The following PACRG variants were observed in gnomAD, a reference collection of about 807,000 sequenced individuals.
The protein encoded by PACRG is parkin coregulated gene protein.
PACRG carries 29 observed loss-of-function variants against 29.7 expected under a neutral mutation model. That is an observed-to-expected ratio of 0.98 (90% CI 0.73 to 1.33). The LOEUF is 1.33. Ranked by LOEUF, PACRG falls within the 40% of genes most tolerant of loss-of-function variation. The pLI, the probability that PACRG is intolerant of heterozygous loss-of-function variation, is 0.00. For synonymous variants in PACRG, 116 were observed against 118.7 expected (o/e 0.98, Z 0.15); for missense variants, 279 against 316.2 (o/e 0.88, Z 0.89).
intron 2 of PACRG, among the ~76,000 whole-genome samples, chr6:162,967,429 A>G (rs906537420): frequency 7.9e-5 from 12 of 152,156 alleles, no homozygotes; most frequent in African/African-American, 2.9e-4. Flanking sequence ...TCTATGTCAC[A>G]TCTACTGTGT....
At chr6:162,954,025 CAT>C (rs1799844702) in intron 2 of PACRG, among the ~76,000 whole-genome samples, 1 of 152,104 alleles carries the variant, frequency 6.6e-6, no homozygotes, top group Admixed American at 6.5e-5. Flanking sequence ...ATATTTTCCA[CAT>C]AGTTTTTATT....
At chr6:162,910,161 C>G (rs895585698) in intron 2 of PACRG, among the ~76,000 whole-genome samples, 1 of 152,102 alleles carries the variant, frequency 6.6e-6, no homozygotes, top group African/African-American at 2.4e-5. Context: ...TAATCTTCAC[C>G]AACTCTGTCA....
intron 1 of PACRG, among the ~76,000 whole-genome samples, chr6:162,798,156 T>G (rs1410070756): frequency 1.3e-5 from 2 of 152,204 alleles, no homozygotes; most frequent in Non-Finnish European, 2.9e-5. Flanking sequence ...AGTGGGCTTC[T>G]GGGTCTAGGC....
At chr6:162,898,449 T>C (rs1795323493) in intron 2 of PACRG, among the ~76,000 whole-genome samples, 1 of 152,188 alleles carries the variant, frequency 6.6e-6, no homozygotes, top group Non-Finnish European at 1.5e-5. Context: ...TGGTAAAATA[T>C]TTTAGTAAAG....
chr6:162,835,686 G>A (rs774333406), intron 2 of PACRG, among the ~76,000 whole-genome samples: 1 of 151,906 alleles, frequency 6.6e-6, no homozygotes, highest in Non-Finnish European at 1.5e-5. Flanking sequence ...TTTGTTGTGT[G>A]GTGTTATATA....
chr6:162,727,712 G>T (rs770057490), upstream of PACRG: 17 of 1,551,116 alleles, frequency 1.1e-5, no homozygotes, highest in Non-Finnish European at 1.1e-5. Context: ...ACAGGCCCAT[G>T]CGCGCAGCGG....
At chr6:162,903,505 TGGC>T (rs1280502247) in intron 2 of PACRG, among the ~76,000 whole-genome samples, 2 of 152,196 alleles carry the variant, frequency 1.3e-5, no homozygotes, top group Admixed American at 6.5e-5. Flanking sequence ...ACATCTTACA[TGGC>T]GGCAGGCAAG....
intron 1 of PACRG, among the ~76,000 whole-genome samples, chr6:162,785,750 G>A (rs1784418255): frequency 6.6e-6 from 1 of 152,216 alleles, no homozygotes; most frequent in Non-Finnish European, 1.5e-5. Context: ...CTAACAGGAG[G>A]CGGAGCTCAG....
intron 2 of PACRG, among the ~76,000 whole-genome samples, chr6:162,824,128 C>T (rs1788077667): frequency 1.3e-5 from 2 of 152,132 alleles, no homozygotes; most frequent in Admixed American, 6.5e-5. Context: ...CAATGTGGTA[C>T]CAGAAATCTC....
At chr6:162,915,416 A>G (rs2128085502) in intron 2 of PACRG, among the ~76,000 whole-genome samples, 1 of 152,132 alleles carries the variant, frequency 6.6e-6, no homozygotes, top group East Asian at 1.9e-4. Context: ...AGAAATACAA[A>G]ATTATTCCTA....
At position 163,078,390 on chromosome 6, in the gene PACRG, C is replaced by T. The variant is rs181415701; in HGVS notation, c.464-10869C>T. Reference sequence around the variant, plus strand: ...TGGTGGCGGGTGCCTGTAATCCCAGCTACTTGGGAGGCTGAGGCAGGAGAA... The same window carrying T: ...TGGTGGCGGGTGCCTGTAATCCCAGTTACTTGGGAGGCTGAGGCAGGAGAA... On this transcript the variant is annotated intron_variant, in intron 3 of 4. Coordinates refer to ENST00000366888, the MANE Select transcript of PACRG (RefSeq NM_001080379.2). 1.3e-5 allele frequency among the ~76,000 whole-genome samples: 2 copies of T among 151,818 alleles called. 1 individual carries two copies. Among genetic ancestry groups the T allele is most frequent in the East Asian group, 3.9e-4 (2 of 5,108 alleles).
At chr6:163,161,316 A>T (rs1778547443) in intron 4 of PACRG, among the ~76,000 whole-genome samples, 1 of 151,510 alleles carries the variant, frequency 6.6e-6, no homozygotes, top group African/African-American at 2.4e-5. Context: ...ATTCTTGATA[A>T]AAACCTTATT....
In PACRG at chr6:162,948,522, C is replaced by A. The variant is rs559270346; in HGVS notation, c.292-113628C>A. Among the ~76,000 whole-genome samples, 19 of 152,024 alleles carry A rather than the reference C, an allele frequency of 1.2e-4. No individual in the cohort carries two copies. In the East Asian group the frequency reaches 1.9e-3, roughly 15 times the overall value. On this transcript the variant is annotated intron_variant, in intron 2 of 4. Coordinates refer to ENST00000366888, the MANE Select transcript of PACRG (RefSeq NM_001080379.2). ...AGACCTTAAAACCATAGGCAAAAAACCAAAAATAGACAAATTGGACTATAT... is the reference window on the plus strand; with the variant it reads ...AGACCTTAAAACCATAGGCAAAAAAACAAAAATAGACAAATTGGACTATAT...
At chr6:163,102,170 C>G (rs774096412) in intron 4 of PACRG, among the ~76,000 whole-genome samples, 2 of 152,132 alleles carry the variant, frequency 1.3e-5, no homozygotes, top group Non-Finnish European at 2.9e-5. Context: ...GGGAACCTTG[C>G]CACACATGGA....
intron 4 of PACRG, among the ~76,000 whole-genome samples, chr6:163,284,789 C>G (rs1197033158): frequency 6.6e-6 from 1 of 152,168 alleles, no homozygotes; most frequent in East Asian, 1.9e-4. Context: ...CTCCTCAAGC[C>G]TTTGTCCTCC....
intron 4 of PACRG, among the ~76,000 whole-genome samples, chr6:163,283,668 G>GC (rs1310192614): frequency 6.6e-6 from 1 of 151,750 alleles, no homozygotes; most frequent in Non-Finnish European, 1.5e-5. Flanking sequence ...GGGCGCGGTG[G>GC]CGGGCGCCTG....
intron 4 of PACRG, among the ~76,000 whole-genome samples, chr6:163,297,820 G>A (rs1202938892): frequency 6.6e-6 from 1 of 152,116 alleles, no homozygotes; most frequent in Non-Finnish European, 1.5e-5. Flanking sequence ...CCTGATGGGT[G>A]GGTGGGTGTG....
At chr6:162,765,565 T>C (rs1782719192) in intron 1 of PACRG, among the ~76,000 whole-genome samples, 1 of 152,190 alleles carries the variant, frequency 6.6e-6, no homozygotes, top group Non-Finnish European at 1.5e-5. Context: ...TTTTAGCCTC[T>C]TGTTTGTACC....
intron 4 of PACRG, among the ~76,000 whole-genome samples, chr6:163,108,392 C>CTTTTTT (rs528887997): frequency 1.3e-4 from 12 of 90,512 alleles, no homozygotes; most frequent in African/African-American, 2.2e-4. Context: ...TTCTCTTTCC[C>CTTTTTT]TTTTTTTTTT....
Sources: gnomAD v4.1 joint callset for allele counts (sites outside exome capture counted in the v4.1 genomes callset) on GRCh38, gnomAD v4.1.1 for gene constraint, MANE v1.5 for transcripts, NCBI Gene and HGNC (gene_info 2026-07-23, HGNC 2026-07-21) for gene names.